The following TOP3B variants were observed in gnomAD, a reference collection of about 807,000 sequenced individuals.
TOP3B encodes the protein DNA topoisomerase 3-beta-1.
A neutral mutation model predicts 93.9 loss-of-function variants in TOP3B; 45 were observed. The observed-to-expected ratio is 0.48, with a 90% CI of 0.38 to 0.61. TOP3B has a LOEUF of 0.61. Ranked by LOEUF, TOP3B falls within the 20% of genes least tolerant of loss-of-function variation. TOP3B has a pLI of 0.00. For missense variants in TOP3B, 750 were observed against 1,156.1 expected, an observed-to-expected ratio of 0.65 and a Z score of 5.09; for synonymous variants, 357 against 472.6, an observed-to-expected ratio of 0.76 and a Z score of 3.17.
rs2071079512 is a variant in TOP3B at position 21,959,632 on chromosome 22, C to G, written c.1759G>C (p.Asp587His). ...TAGTGGAACTTCCTCTTGAACACGT[C>G]CAGGGTGTGGCCCAGGACCTGGCGG... Reference protein sequence around the residue: ...DYRQVLGHTLDVFKRKFHYFV... With the variant: ...DYRQVLGHTLHVFKRKFHYFV... Residue 587 changes from aspartate (D) to histidine (H), a missense_variant, in exon 15 of 18, where the codon GAC (aspartate) becomes CAC (histidine). This residue lies in a region of TOP3B where 737 missense variants were observed against 933.7 expected (regional missense o/e 0.79). Coordinates refer to ENST00000357179, the MANE Select transcript of TOP3B (RefSeq NM_001282112.2). 2 of 1,613,784 alleles carry G rather than the reference C, an allele frequency of 1.2e-6. No homozygotes were observed. The highest frequency in any genetic ancestry group is 1.7e-4 in the Middle Eastern group (1 of 6,058).
Position 21,970,628 on chromosome 22 carries a change from A to C in TOP3B, c.385-222T>G. The C allele has an allele frequency of 1.7e-6, 1 of 573,368 alleles. No individual in the cohort carries two copies. 35.5% of individuals were successfully genotyped at this position (573,368 alleles called of 1,614,324 possible). ...TGAGCACTCCACAACACCCCACCAC[A>C]TGGCTTCCTTTACTCCCATCTAGAA... On this transcript the variant is annotated intron_variant, in intron 5 of 17. Transcript: ENST00000357179. This position sits in a 1 kb window ranked among gnomAD's most constrained non-coding sequence, Gnocchi z 4.4.
chr22:21,978,000 G>A (rs890759554), intron 1 of TOP3B, among the ~76,000 whole-genome samples: 1 of 151,964 alleles, frequency 6.6e-6, no homozygotes, highest in Non-Finnish European at 1.5e-5. Context: ...CCTTGGGGAG[G>A]ATATGGCTGG....
Position 21,971,127 on chromosome 22 carries a change from G to A in TOP3B, c.385-721C>T. ...TCCCAGATGCAAAGGCCCCCAGGGAGGAGCCGCCCTGCAGGGGAGGAGAGG... is the reference window on the plus strand; with the variant it reads ...TCCCAGATGCAAAGGCCCCCAGGGAAGAGCCGCCCTGCAGGGGAGGAGAGG... On this transcript the variant is annotated intron_variant, in intron 5 of 17. Transcript: ENST00000357179. The surrounding 1 kb of genome is among the most constrained non-coding windows in gnomAD (Gnocchi z 4.6). 1 of 1,132,484 alleles carries A rather than the reference G, an allele frequency of 8.8e-7. No homozygotes were observed. The highest frequency in any genetic ancestry group is 1.2e-6 in the Non-Finnish European group (1 of 840,022). 70.2% of individuals were successfully genotyped at this position (1,132,484 alleles called of 1,614,324 possible).
At position 21,970,141 on chromosome 22, in the gene TOP3B, C is replaced by G. The variant is rs760804767; in HGVS notation, c.581+69G>C. 8 of 1,562,450 alleles carry G rather than the reference C, an allele frequency of 5.1e-6. No homozygotes were observed. The highest frequency in any genetic ancestry group is 6.1e-6 in the Non-Finnish European group (7 of 1,154,256). ...AGGCCTAGGGGCCCCGGAGGGGGAC[C>G]AGTAGAGGCAGGTCTCTGGCTGAGG... is the stretch of plus-strand genomic sequence containing the variant. On this transcript the variant is annotated intron_variant, in intron 6 of 17. Coordinates refer to ENST00000357179, the MANE Select transcript of TOP3B (RefSeq NM_001282112.2). The surrounding 1 kb of genome is among the most constrained non-coding windows in gnomAD (Gnocchi z 4.4).
chr22:21,962,022 G>A (rs2063186793), intron 13 of TOP3B: 4 of 912,398 alleles, frequency 4.4e-6, no homozygotes, highest in East Asian at 6.5e-5. Context: ...TTCTCTCCCA[G>A]GGAAGCAGCT....
chr22:21,959,137 T>G lies in TOP3B; in HGVS notation c.1900A>C (p.Ile634Leu). ...CGKCHRFMKYIQAKPSRLHCS... is the reference protein window; with the variant it reads ...CGKCHRFMKYLQAKPSRLHCS... ...CTAGTGTTCCCTGCACCTACCTGGA[T>G]GTACTTCATGAAGCGGTGGCACTTC... is the stretch of plus-strand genomic sequence containing the variant. Residue 634 changes from isoleucine (I) to leucine (L), a missense_variant, in exon 16 of 18, where the codon ATC becomes CTC. Transcript: ENST00000357179. The G allele has an allele frequency of 1.2e-6, 2 of 1,613,830 alleles. No homozygotes were observed. The highest frequency in any genetic ancestry group is 1.7e-6 in the Non-Finnish European group (2 of 1,179,994).
At chr22:21,969,930 ATTTTTT>A (rs56123700) in intron 6 of TOP3B, 19 of 177,152 alleles carry the variant, frequency 1.1e-4, no homozygotes, top group Non-Finnish European at 1.6e-4. Context: ...CAAAAAAATA[ATTTTTT>A]TTTTTTTTTT....
intron 13 of TOP3B, chr22:21,960,757 G>A (rs567003031): frequency 3.5e-4 from 123 of 348,692 alleles, no homozygotes; most frequent in African/African-American, 2.1e-3. Context: ...TTCTGCGCCT[G>A]GAAAATGTGA....
chr22:21,967,558 C>A (rs927981480), intron 8 of TOP3B, 45 bp downstream of exon 8: 2 of 1,543,740 alleles, frequency 1.3e-6, no homozygotes, highest in Admixed American at 1.7e-5. Flanking sequence ...CAAGGGCCAC[C>A]CTCACCCAAG....
At chr22:21,966,567 G>C (rs982314664) in intron 8 of TOP3B, 1 of 152,348 alleles carries the variant, frequency 6.6e-6, no homozygotes, top group African/African-American at 2.4e-5. Flanking sequence ...TCTGGAATTT[G>C]TGTAAACACC....
chr22:21,980,328 T>G (rs1416091747), intron 1 of TOP3B, among the ~76,000 whole-genome samples: 1 of 152,126 alleles, frequency 6.6e-6, no homozygotes, highest in Non-Finnish European at 1.5e-5. Context: ...CAAGGGACTT[T>G]ACAATAAAAC....
At chr22:21,972,396 T>C in intron 4 of TOP3B, 5 of 504,822 alleles carry the variant, frequency 9.9e-6, no homozygotes, top group African/African-American at 2.0e-5. Context: ...GCAGAAGGCC[T>C]GCTCTCCAGG....
intron 4 of TOP3B, 88 bp downstream of exon 4, chr22:21,972,524 T>C: frequency 9.7e-7 from 1 of 1,032,578 alleles, no homozygotes. Flanking sequence ...CAAGGGGGAT[T>C]AGGACTCAAG....
At chr22:21,978,082 G>A (rs1393046802) in intron 1 of TOP3B, among the ~76,000 whole-genome samples, 1 of 152,110 alleles carries the variant, frequency 6.6e-6, no homozygotes, top group African/African-American at 2.4e-5. Flanking sequence ...GGTGCTGGGA[G>A]GCAGCAGAGG....
Position 21,981,941 on chromosome 22 carries a change from A to G in TOP3B, c.-99+789T>C, listed in dbSNP as rs117526584. Among the ~76,000 whole-genome samples the G allele has an allele frequency of 5.3e-5, 8 of 152,314 alleles. No homozygotes were observed. In the East Asian group the frequency reaches 9.6e-4, roughly 18 times the overall value. ...GAATCAGGAAAAGAGGGAAACAACC[A>G]TTTCTTAAGCTCCTCCTTTGTAGTA... On this transcript the variant is annotated intron_variant, in intron 1 of 17. Transcript: ENST00000357179.
chr22:21,959,226 T>C lies in TOP3B; in HGVS notation c.1811A>G (p.Asp604Gly), dbSNP rs150098008. The C allele has an allele frequency of 1.8e-4, 287 of 1,612,622 alleles. 1 individual carries two copies. The African/African-American group carries it at 3.5e-3, about 20-fold the overall frequency. The change falls in exon 16 of 18, where the codon GAT (aspartate) becomes GGT (glycine). Residue 604 changes from aspartate to glycine, a missense_variant. Asp to Gly is a moderately conservative substitution (Grantham distance 94, BLOSUM62 -1). Around this residue, in one of 4 missense-constraint regions of TOP3B, gnomAD observed 737 missense variants for 933.7 expected, o/e 0.79. Coordinates refer to ENST00000357179, the MANE Select transcript of TOP3B (RefSeq NM_001282112.2). ...HYFVDSIAGM[D>G]ELMEVSFSPL... is the part of the protein sequence containing the mutation. ...CGAGAAAGACACCTCCATCAACTCA[T>C]CCATGCCTGCGGGCAAGCAGAGTGC... is the stretch of plus-strand genomic sequence containing the variant.
chr22:21,968,339 A>G (rs1320576251), intron 7 of TOP3B: 2 of 448,158 alleles, frequency 4.5e-6, no homozygotes, highest in Non-Finnish European at 8.0e-6. Flanking sequence ...GGACCTGACC[A>G]CTGAAGCCAC....
rs141580036 is a variant in TOP3B, at chr22:21,975,611, C to T, written c.70+29G>A. ...TGTAACACATAAACGACCGTGCTTA[C>T]AGACCAAAGCAGGGCTGGTCTCTCC... On this transcript the variant is annotated intron_variant, in intron 2 of 17. Coordinates refer to ENST00000357179, the MANE Select transcript of TOP3B (RefSeq NM_001282112.2). 4.3e-3 allele frequency: 6,788 copies of T among 1,585,044 alleles called. 26 individuals carry two copies. Among genetic ancestry groups the T allele is most frequent in the Middle Eastern group, 0.013 (76 of 5,944 alleles).
At chr22:21,973,682 T>C (rs1358767904) in intron 3 of TOP3B, 1 of 152,190 alleles carries the variant, frequency 6.6e-6, no homozygotes, top group Non-Finnish European at 1.5e-5. Context: ...CTGTCATCAA[T>C]GAGCAGCAAG....
Sources: allele counts gnomAD v4.1 joint callset (sites outside exome capture counted in the v4.1 genomes callset), GRCh38; gene constraint gnomAD v4.1.1; regional missense constraint gnomAD v4.1.1; non-coding constraint Gnocchi (gnomAD v3.1); transcripts MANE v1.5; gene names NCBI Gene and HGNC (gene_info 2026-07-23, HGNC 2026-07-21).